The following LRRTM4 variants were observed in gnomAD, a reference collection of about 807,000 sequenced individuals.
The protein encoded by LRRTM4 is leucine-rich repeat transmembrane neuronal protein 4.
In LRRTM4, 25 loss-of-function variants were observed where a neutral mutation model predicts 47.6. The ratio of observed to expected loss-of-function variants is 0.53; its 90% CI spans 0.38 to 0.73. LRRTM4 has a LOEUF of 0.73. LRRTM4 is among the 30% of genes least tolerant of loss of function. The pLI is 0.00. For synonymous variants in LRRTM4, 311 were observed against 269.5 expected (o/e 1.15, Z -1.51); for missense variants, 638 against 713.4 (o/e 0.89, Z 1.20).
At position 77,389,282 on chromosome 2, in the gene LRRTM4, G is replaced by T. The variant is rs946622523; in HGVS notation, c.1551+129036C>A. On this transcript the variant is annotated intron_variant, in intron 3 of 3. Transcript: ENST00000409884. ...TAATTAAAAGGGCTGAAAACTGCTT[G>T]ATTTTGTTTCAAAAAGAAATTTGTA... Among the ~76,000 whole-genome samples, 47 of 151,988 alleles carry T rather than the reference G, an allele frequency of 3.1e-4. 1 individual carries two copies. Among genetic ancestry groups the T allele is most frequent in the African/African-American group, 1.1e-3 (47 of 41,418 alleles).
At chr2:76,752,648 G>A (rs1477118587) in intron 3 of LRRTM4, among the ~76,000 whole-genome samples, 1 of 152,132 alleles carries the variant, frequency 6.6e-6, no homozygotes, top group African/African-American at 2.4e-5. Flanking sequence ...GTATTCTATA[G>A]GGCACTATGT....
chr2:77,137,699 G>C (rs1671988993), intron 3 of LRRTM4, among the ~76,000 whole-genome samples: 1 of 152,198 alleles, frequency 6.6e-6, no homozygotes, highest in African/African-American at 2.4e-5. Flanking sequence ...AAAGAGTCAA[G>C]ACCCATCAGT....
intron 3 of LRRTM4, among the ~76,000 whole-genome samples, chr2:77,174,264 C>G (rs1403577975): frequency 6.6e-6 from 1 of 152,122 alleles, no homozygotes; most frequent in Non-Finnish European, 1.5e-5. Flanking sequence ...TGGTAGCCCC[C>G]AAATAGACAT....
intron 3 of LRRTM4, among the ~76,000 whole-genome samples, chr2:77,417,775 G>GGAGA (rs1674702169): frequency 6.6e-6 from 1 of 151,394 alleles, no homozygotes; most frequent in African/African-American, 2.4e-5. Context: ...GGGGGGGAAG[G>GGAGA]GGGGAGGAAT....
At chr2:76,757,336 T>G (rs1673069690) in intron 3 of LRRTM4, among the ~76,000 whole-genome samples, 1 of 152,172 alleles carries the variant, frequency 6.6e-6, no homozygotes, top group Non-Finnish European at 1.5e-5. Flanking sequence ...TTTAAGTCAG[T>G]CAGGGGATAA....
intron 3 of LRRTM4, among the ~76,000 whole-genome samples, chr2:77,453,443 G>A (rs1248244712): frequency 6.6e-6 from 1 of 152,034 alleles, no homozygotes; most frequent in Non-Finnish European, 1.5e-5. Context: ...GCCTCCCAAA[G>A]TGCTGGGATT....
At chr2:77,109,134 C>T (rs1440623285) in intron 3 of LRRTM4, among the ~76,000 whole-genome samples, 3 of 152,040 alleles carry the variant, frequency 2.0e-5, no homozygotes, top group Non-Finnish European at 4.4e-5. Context: ...ACTTTATTTG[C>T]CATGTTGGGT....
chr2:77,480,406 T>A (rs1194786690), intron 3 of LRRTM4, among the ~76,000 whole-genome samples: 2 of 152,106 alleles, frequency 1.3e-5, no homozygotes, highest in African/African-American at 4.8e-5. Flanking sequence ...AAGGAATAGT[T>A]TATTTATCCG....
intron 3 of LRRTM4, among the ~76,000 whole-genome samples, chr2:77,049,913 C>T (rs780568442): frequency 5.3e-5 from 8 of 151,864 alleles, no homozygotes; most frequent in Non-Finnish European, 8.8e-5. Flanking sequence ...TATTTTGCTT[C>T]GTAAAATTCT....
At chr2:76,905,490 G>C (rs182837133) in intron 3 of LRRTM4, among the ~76,000 whole-genome samples, 2,515 of 152,250 alleles carry the variant, frequency 0.017, 85 homozygotes, top group African/African-American at 0.057. Flanking sequence ...ATGGAAAAAA[G>C]CTGGACGGAG....
chr2:76,968,315 T>C (rs1039231385), intron 3 of LRRTM4, among the ~76,000 whole-genome samples: 10 of 138,780 alleles, frequency 7.2e-5, no homozygotes, highest in African/African-American at 2.6e-4. Context: ...GTTGGTAAAA[T>C]GTAAATACAA....
chr2:77,439,247 T>C (rs1675736484), intron 3 of LRRTM4, among the ~76,000 whole-genome samples: 1 of 152,176 alleles, frequency 6.6e-6, no homozygotes, highest in Non-Finnish European at 1.5e-5. Context: ...CTCTTAGAAG[T>C]CCTATTTCAA....
intron 3 of LRRTM4, among the ~76,000 whole-genome samples, chr2:77,156,633 C>T (rs1293647228): frequency 6.7e-6 from 1 of 149,756 alleles, no homozygotes; most frequent in African/African-American, 2.5e-5. Flanking sequence ...TCAGTGCCAA[C>T]AAATGCATTT....
At chr2:77,123,117 C>A (rs1671561228) in intron 3 of LRRTM4, among the ~76,000 whole-genome samples, 1 of 150,308 alleles carries the variant, frequency 6.7e-6, no homozygotes, top group Non-Finnish European at 1.5e-5. Context: ...TAGTGGGAAC[C>A]AATCATGAAA....
intron 3 of LRRTM4, among the ~76,000 whole-genome samples, chr2:77,316,881 A>T (rs139751921): frequency 6.6e-6 from 1 of 152,214 alleles, no homozygotes; most frequent in Non-Finnish European, 1.5e-5. Context: ...CCAATTAAGT[A>T]TCAGAAATCT....
chr2:77,105,891 A>T (rs1455016335), intron 3 of LRRTM4, among the ~76,000 whole-genome samples: 1 of 152,230 alleles, frequency 6.6e-6, no homozygotes, highest in Admixed American at 6.5e-5. Flanking sequence ...TTTAAATATA[A>T]CAAACTGAAA....
At position 77,088,467 on chromosome 2, in the gene LRRTM4, T is replaced by C. The variant is rs562347679; in HGVS notation, c.1552-339551A>G. ...TCAAAAAGCACCCCGACTGAGCACCTTGCGACCCCCACTCCTGCCTGCCAG... is the reference window on the plus strand; with the variant it reads ...TCAAAAAGCACCCCGACTGAGCACCCTGCGACCCCCACTCCTGCCTGCCAG... On this transcript the variant is annotated intron_variant, in intron 3 of 3. Transcript: ENST00000409884. Among the ~76,000 whole-genome samples the C allele has an allele frequency of 7.6e-4, 116 of 152,258 alleles. 1 individual carries two copies. Among genetic ancestry groups the C allele is most frequent in the African/African-American group, 2.7e-3 (113 of 41,546 alleles).
At chr2:77,327,286 A>T (rs1298946517) in intron 3 of LRRTM4, among the ~76,000 whole-genome samples, 1 of 152,226 alleles carries the variant, frequency 6.6e-6, no homozygotes, top group Non-Finnish European at 1.5e-5. Flanking sequence ...TAAAAAGAAA[A>T]TGGAGTAACC....
chr2:77,138,014 A>G (rs1167157498), intron 3 of LRRTM4, among the ~76,000 whole-genome samples: 1 of 152,180 alleles, frequency 6.6e-6, no homozygotes, highest in African/African-American at 2.4e-5. Context: ...AGACTCCCAC[A>G]CAATAATAAT....
Sources: allele counts gnomAD v4.1 joint callset (sites outside exome capture counted in the v4.1 genomes callset), GRCh38; gene constraint gnomAD v4.1.1; transcripts MANE v1.5; gene names NCBI Gene and HGNC (gene_info 2026-07-23, HGNC 2026-07-21).